The following CTNNA2 variants were observed in gnomAD, a reference collection of about 807,000 sequenced individuals.
The protein encoded by CTNNA2 is catenin alpha-2.
CTNNA2 carries 42 observed loss-of-function variants against 101.0 expected under a neutral mutation model. The ratio of observed to expected loss-of-function variants is 0.42; its 90% CI spans 0.32 to 0.54. CTNNA2 has a LOEUF of 0.54. CTNNA2 is among the 20% of genes least tolerant of loss of function. The pLI is 0.14. For missense variants in CTNNA2, 871 were observed against 1,223.1 expected (o/e 0.71, Z 4.29); for synonymous variants, 450 against 456.4 (o/e 0.99, Z 0.18).
At chr2:79,445,575 A>T (rs1478199424) in intron 4 of CTNNA2, among the ~76,000 whole-genome samples, 1 of 152,162 alleles carries the variant, frequency 6.6e-6, no homozygotes, top group Non-Finnish European at 1.5e-5. Context: ...GTGAAAATTA[A>T]CTTCAAACAT....
At chr2:79,923,864 A>T (rs893313074) in intron 7 of CTNNA2, among the ~76,000 whole-genome samples, 25 of 152,116 alleles carry the variant, frequency 1.6e-4, no homozygotes, top group African/African-American at 6.0e-4. Context: ...TTGTGTTGGC[A>T]GGAAAGTAAA....
At chr2:80,395,694 G>A (rs572599366) in intron 8 of CTNNA2, among the ~76,000 whole-genome samples, 8 of 152,270 alleles carry the variant, frequency 5.3e-5, no homozygotes, top group Middle Eastern at 3.4e-3. Context: ...CTCAGAGAAC[G>A]CTAATGGCTC....
At chr2:79,331,866 C>T (rs143994283) in intron 3 of CTNNA2, among the ~76,000 whole-genome samples, 312 of 152,244 alleles carry the variant, frequency 2.0e-3, no homozygotes, top group African/African-American at 7.4e-3. Flanking sequence ...GATTCGAGAA[C>T]AAAATACGTA....
At chr2:79,810,935 C>T (rs1362170785) in intron 3 of CTNNA2, among the ~76,000 whole-genome samples, 1 of 151,544 alleles carries the variant, frequency 6.6e-6, no homozygotes, top group Admixed American at 6.6e-5. Flanking sequence ...CATTGTTGGA[C>T]ATTTGGGTTG....
intron 3 of CTNNA2, among the ~76,000 whole-genome samples, chr2:79,363,846 G>A (rs1347310): frequency 0.32 from 48,036 of 152,082 alleles, 7,871 homozygotes; most frequent in Admixed American, 0.42. Context: ...TCCAGGACAG[G>A]CAATCACTCT....
chr2:80,304,027 A>G, intron 7 of CTNNA2: 1 of 497,792 alleles, frequency 2.0e-6, no homozygotes, highest in Non-Finnish European at 3.4e-6. Context: ...GGCAGCATAG[A>G]AAGTTCACAG....
chr2:80,619,058 CTCTT>C, intron 17 of CTNNA2, 23 bp from the exon 18 acceptor site: 1 of 1,363,582 alleles, frequency 7.3e-7, no homozygotes, highest in Non-Finnish European at 9.7e-7. Context: ...CTCTCATTCT[CTCTT>C]TTCTGTATCT....
chr2:79,262,193 T>A (rs1187402428), intron 2 of CTNNA2, among the ~76,000 whole-genome samples: 1 of 152,024 alleles, frequency 6.6e-6, no homozygotes, highest in Non-Finnish European at 1.5e-5. Flanking sequence ...AAACAAAACA[T>A]AGGGCCCTTA....
chr2:80,457,316 G>C (rs1348663737), intron 9 of CTNNA2, among the ~76,000 whole-genome samples: 1 of 151,940 alleles, frequency 6.6e-6, no homozygotes, highest in African/African-American at 2.4e-5. Flanking sequence ...TGCCCGCCTT[G>C]GCCTCCCAAA....
chr2:79,299,504 G>A (rs1001448804), intron 2 of CTNNA2, among the ~76,000 whole-genome samples: 1 of 152,150 alleles, frequency 6.6e-6, no homozygotes, highest in Admixed American at 6.5e-5. Context: ...ATTCTAAGAG[G>A]TTGTTCTCTT....
chr2:79,631,201 A>G (rs1040028254), intron 1 of CTNNA2, among the ~76,000 whole-genome samples: 5 of 152,096 alleles, frequency 3.3e-5, no homozygotes, highest in Admixed American at 1.3e-4. Context: ...TGAACGCCTT[A>G]TGTGGTAACT....
intron 2 of CTNNA2, among the ~76,000 whole-genome samples, chr2:79,658,555 A>G (rs1174124266): frequency 2.0e-5 from 3 of 152,104 alleles, no homozygotes; most frequent in Non-Finnish European, 1.5e-5. Context: ...TGCATTAACA[A>G]AAGATAATTA....
At chr2:80,163,840 A>G (rs1704490992) in intron 7 of CTNNA2, among the ~76,000 whole-genome samples, 1 of 152,046 alleles carries the variant, frequency 6.6e-6, no homozygotes. Flanking sequence ...TCATTGATTA[A>G]CACTTTAATA....
chr2:80,235,634 GCCTGAGCCTCATGAAAACCCAGAGGAGC>G (rs1471167496), intron 7 of CTNNA2, among the ~76,000 whole-genome samples: 1 of 152,162 alleles, frequency 6.6e-6, no homozygotes, highest in Non-Finnish European at 1.5e-5. Context: ...ACTCCCATTT[GCCTGAGCCTCATGAAAACCCAGAGGAGC>G]CCTGCCCCCA....
chr2:79,676,766 C>A (rs112628969), intron 2 of CTNNA2, among the ~76,000 whole-genome samples: 2 of 152,174 alleles, frequency 1.3e-5, no homozygotes, highest in African/African-American at 4.8e-5. Context: ...AACTCACAGC[C>A]ACCCTGAAAT....
chr2:80,257,159 G>C (rs1032328067), intron 7 of CTNNA2, among the ~76,000 whole-genome samples: 1 of 151,896 alleles, frequency 6.6e-6, no homozygotes, highest in Non-Finnish European at 1.5e-5. Flanking sequence ...GCCTCTTTTT[G>C]CTTCTAATTC....
chr2:80,384,014 A>C (rs1676764473), intron 7 of CTNNA2, among the ~76,000 whole-genome samples: 1 of 152,176 alleles, frequency 6.6e-6, no homozygotes, highest in Admixed American at 6.5e-5. Flanking sequence ...TGTTCTTTGC[A>C]GCAACATGGA....
At chr2:80,169,716 T>C (rs1454829516) in intron 7 of CTNNA2, among the ~76,000 whole-genome samples, 1 of 152,164 alleles carries the variant, frequency 6.6e-6, no homozygotes, top group African/African-American at 2.4e-5. Context: ...TGGATTCCTT[T>C]CACTAGCTCC....
intron 1 of CTNNA2, among the ~76,000 whole-genome samples, chr2:79,647,684 A>G (rs1320249141): frequency 1.3e-5 from 2 of 152,232 alleles, no homozygotes; most frequent in African/African-American, 2.4e-5. Context: ...CAGGGCTTCA[A>G]TTTAAACAAA....
Sources: gnomAD v4.1 joint callset for allele counts (sites outside exome capture counted in the v4.1 genomes callset) on GRCh38, gnomAD v4.1.1 for gene constraint, MANE v1.5 for transcripts, NCBI Gene and HGNC (gene_info 2026-07-23, HGNC 2026-07-21) for gene names.